The following RBMS3 variants were observed in gnomAD, a reference collection of about 807,000 sequenced individuals.
RBMS3 encodes RNA-binding motif, single-stranded-interacting protein 3.
In RBMS3, 27 loss-of-function variants were observed where a neutral mutation model predicts 66.8. The ratio of observed to expected loss-of-function variants is 0.40; its 90% CI spans 0.30 to 0.56. RBMS3 has a LOEUF of 0.56. RBMS3 is among the 20% of genes least tolerant of loss of function. RBMS3 has a pLI of 0.40. For synonymous variants in RBMS3, 188 were observed against 183.0 expected, an observed-to-expected ratio of 1.03 and a Z score of -0.22; for missense variants, 513 against 549.5, an observed-to-expected ratio of 0.93 and a Z score of 0.66.
intron 4 of RBMS3, among the ~76,000 whole-genome samples, chr3:29,634,540 T>G (rs371492493): frequency 1.3e-5 from 2 of 151,852 alleles, no homozygotes; most frequent in African/African-American, 4.8e-5. Context: ...GCCCCTATTT[T>G]GGAATGATTT....
chr3:29,444,327 G>A (rs376849010), intron 2 of RBMS3, among the ~76,000 whole-genome samples: 1 of 151,976 alleles, frequency 6.6e-6, no homozygotes, highest in Non-Finnish European at 1.5e-5. Context: ...ACTTTCCCAA[G>A]GTCACACAGC....
chr3:29,554,048 T>G (rs901900265), intron 3 of RBMS3, among the ~76,000 whole-genome samples: 2 of 152,198 alleles, frequency 1.3e-5, no homozygotes, highest in African/African-American at 2.4e-5. Flanking sequence ...TAAGGGGACT[T>G]TTAAATGAAA....
intron 2 of RBMS3, among the ~76,000 whole-genome samples, chr3:29,474,522 T>A (rs73828672): frequency 0.031 from 4,689 of 152,320 alleles, 250 homozygotes; most frequent in African/African-American, 0.11. Flanking sequence ...ATTGTTTACA[T>A]AGGATTAACA....
At chr3:29,797,464 T>C (rs1378906816) in intron 6 of RBMS3, among the ~76,000 whole-genome samples, 1 of 152,172 alleles carries the variant, frequency 6.6e-6, no homozygotes, top group Non-Finnish European at 1.5e-5. Flanking sequence ...CACTAAAACT[T>C]TCTCCAGATC....
chr3:29,315,747 G>GT (rs1223526944), intron 1 of RBMS3, among the ~76,000 whole-genome samples: 2 of 151,532 alleles, frequency 1.3e-5, no homozygotes, highest in African/African-American at 4.8e-5. Flanking sequence ...CTATATTTTG[G>GT]TACATGTATA....
intron 4 of RBMS3, among the ~76,000 whole-genome samples, chr3:29,655,710 A>T (rs2050301264): frequency 6.6e-6 from 1 of 152,212 alleles, no homozygotes. Context: ...TTTAGAATGT[A>T]CCACTTCTAC....
chr3:29,340,790 T>C (rs1447037742), intron 1 of RBMS3, among the ~76,000 whole-genome samples: 1 of 152,198 alleles, frequency 6.6e-6, no homozygotes, highest in Non-Finnish European at 1.5e-5. Context: ...TAGATCATAG[T>C]ATTTCAGTGA....
At chr3:29,287,520 TATG>T (rs2032456185) in intron 1 of RBMS3, among the ~76,000 whole-genome samples, 1 of 152,070 alleles carries the variant, frequency 6.6e-6, no homozygotes, top group African/African-American at 2.4e-5. Flanking sequence ...TATTTGGAAA[TATG>T]ATGCTCTTCA....
intron 2 of RBMS3, among the ~76,000 whole-genome samples, chr3:29,472,205 T>TC (rs2042753545): frequency 6.6e-6 from 1 of 151,720 alleles, no homozygotes; most frequent in Non-Finnish European, 1.5e-5. Flanking sequence ...TTTTTTTTTT[T>TC]TTTTTTTGAA....
chr3:29,359,907 T>G (rs2037463197), intron 1 of RBMS3, among the ~76,000 whole-genome samples: 1 of 152,180 alleles, frequency 6.6e-6, no homozygotes, highest in Non-Finnish European at 1.5e-5. Context: ...CTCTATCATT[T>G]TTTCTTGCAT....
chr3:29,612,735 A>G (rs1411783226), intron 4 of RBMS3, among the ~76,000 whole-genome samples: 1 of 152,142 alleles, frequency 6.6e-6, no homozygotes, highest in Non-Finnish European at 1.5e-5. Context: ...TTATGAAATC[A>G]GGCTTAATTA....
chr3:29,384,435 TAAGAAGAAGAAG>T (rs71628521), intron 1 of RBMS3, among the ~76,000 whole-genome samples: 3 of 141,038 alleles, frequency 2.1e-5, no homozygotes, highest in South Asian at 2.4e-4. Context: ...ATAATAATAA[TAAGAAGAAGAAG>T]AAGAAGAAGA....
intron 14 of RBMS3, among the ~76,000 whole-genome samples, chr3:29,993,674 G>T (rs1017376548): frequency 6.6e-6 from 1 of 152,156 alleles, no homozygotes; most frequent in Non-Finnish European, 1.5e-5. Flanking sequence ...TAGGACATTG[G>T]TCTTTTCCTG....
chr3:29,457,268 A>T (rs9866603), intron 2 of RBMS3, among the ~76,000 whole-genome samples: 6,044 of 151,824 alleles, frequency 0.04, 270 homozygotes, highest in East Asian at 0.25. Context: ...TCCTTTGACT[A>T]CCTCCACCTA....
chr3:29,514,655 A>G (rs954000266), intron 3 of RBMS3, among the ~76,000 whole-genome samples: 1 of 121,516 alleles, frequency 8.2e-6, no homozygotes, highest in Non-Finnish European at 1.7e-5. Flanking sequence ...AGGCACATAT[A>G]TATATATATA....
chr3:29,893,246 G>T (rs2149595651), intron 8 of RBMS3, among the ~76,000 whole-genome samples: 1 of 151,538 alleles, frequency 6.6e-6, no homozygotes, highest in East Asian at 2.0e-4. Flanking sequence ...TTGTTTGATG[G>T]ATAGGATTAG....
rs369884390 is a variant in RBMS3 at position 29,880,238 on chromosome 3, T to C, written c.745-3924T>C. ...TGAAAAATGACAAAAATACCCCACTTTATTTTAAATAAACTATGAATGTCT... is the reference window on the plus strand; with the variant it reads ...TGAAAAATGACAAAAATACCCCACTCTATTTTAAATAAACTATGAATGTCT... On this transcript the variant is annotated intron_variant, in intron 7 of 14. Coordinates refer to ENST00000383767, the MANE Select transcript of RBMS3 (RefSeq NM_001003793.3). Among the ~76,000 whole-genome samples the C allele has an allele frequency of 2.9e-4, 44 of 152,264 alleles. No individual in the cohort carries two copies. The South Asian group carries it at 3.9e-3, about 14-fold the overall frequency.
intron 1 of RBMS3, among the ~76,000 whole-genome samples, chr3:29,414,526 T>C (rs1195424925): frequency 6.6e-6 from 1 of 152,244 alleles, no homozygotes; most frequent in Non-Finnish European, 1.5e-5. Context: ...TTGCTATTTA[T>C]CCATGCTTGG....
At chr3:29,432,178 T>C (rs1230151080) in intron 1 of RBMS3, among the ~76,000 whole-genome samples, 1 of 152,188 alleles carries the variant, frequency 6.6e-6, no homozygotes, top group Admixed American at 6.5e-5. Flanking sequence ...AAAAGGAGGT[T>C]TCCAGGAGGC....
Sources: allele counts gnomAD v4.1 joint callset (sites outside exome capture counted in the v4.1 genomes callset), GRCh38; gene constraint gnomAD v4.1.1; transcripts MANE v1.5; gene names NCBI Gene and HGNC (gene_info 2026-07-23, HGNC 2026-07-21).